PIGG: variants seen among roughly 807,000 people sequenced by gnomAD.
PIGG encodes the protein GPI ethanolamine phosphate transferase 2, catalytic subunit.
Under a neutral mutation model 83.2 loss-of-function variants are expected in PIGG, and 70 were observed. The observed-to-expected ratio is 0.84, with a 90% confidence interval of 0.69 to 1.03. The LOEUF is 1.03. PIGG is among the 50% of genes least tolerant of loss of function. The probability of loss-of-function intolerance (pLI) is 0.00; values close to 1 mark genes in which losing one functional copy is unlikely to be tolerated. For missense variants in PIGG, 1,257 were observed against 1,233.6 expected, an observed-to-expected ratio of 1.02 and a Z score of -0.28; for synonymous variants, 532 against 519.5, an observed-to-expected ratio of 1.02 and a Z score of -0.33.
At chr4:530,798 T>G in intron 11 of PIGG, 53 bp downstream of exon 11, 1 of 1,255,650 alleles carries the variant, frequency 8.0e-7, no homozygotes, top group Non-Finnish European at 1.1e-6. Context: ...ACATATTTAT[T>G]TTAAATTTTT....
In PIGG at chr4:525,147, C is replaced by G. The variant is rs569028739; in HGVS notation, c.2069+1234C>G. The G allele has an allele frequency of 7.2e-6, 7 of 975,590 alleles. No homozygotes were observed. In the East Asian group the frequency reaches 6.8e-4, roughly 95 times the overall value. 60.4% of individuals were successfully genotyped at this position (975,590 alleles called of 1,614,324 possible). ...AGCTCCTTTCTCCTCCCCATCCTCC[C>G]TTTTCTCTCTCCTCATCCTGAAGGG... is the stretch of plus-strand genomic sequence containing the variant. On this transcript the variant is annotated intron_variant, in intron 9 of 12. Transcript: ENST00000453061.
In PIGG at chr4:524,262, T is replaced by C. The variant is rs78888434; in HGVS notation, c.2069+349T>C. Among the ~76,000 whole-genome samples the C allele has an allele frequency of 7.1e-3, 1,087 of 152,358 alleles. 7 individuals carry two copies. Among genetic ancestry groups the C allele is most frequent in the South Asian group, 0.041 (197 of 4,826 alleles). On this transcript the variant is annotated intron_variant, in intron 9 of 12. Transcript: ENST00000453061. Reference sequence around the variant, plus strand: ...TTGTTCTGGACGCCTCGTCCATGCCTGGGCTGTGTGCCCCCCGCCCATCAC... The same window carrying C: ...TTGTTCTGGACGCCTCGTCCATGCCCGGGCTGTGTGCCCCCCGCCCATCAC...
At chr4:535,135 G>A (rs1256121580) in intron 12 of PIGG, among the ~76,000 whole-genome samples, 1 of 152,262 alleles carries the variant, frequency 6.6e-6, no homozygotes, top group African/African-American at 2.4e-5. Context: ...GTCAGGTGCT[G>A]AGTGGAGTGT....
intron 3 of PIGG, 80 bp from the exon 4 acceptor site, chr4:507,325 A>G (rs782481970): frequency 9.0e-7 from 1 of 1,108,168 alleles, no homozygotes; most frequent in Non-Finnish European, 1.3e-6. Flanking sequence ...AGATTTTAAG[A>G]TGACTGTTGC....
At chr4:530,302 G>T (rs754436475) in intron 10 of PIGG, 134 bp from the exon 11 acceptor site, 17 of 649,854 alleles carry the variant, frequency 2.6e-5, no homozygotes, top group Middle Eastern at 4.1e-4. Flanking sequence ...TAGGGAGGGT[G>T]CCGCGGCTCC....
chr4:514,873 G>C (rs1027535813), intron 5 of PIGG, among the ~76,000 whole-genome samples: 4 of 152,158 alleles, frequency 2.6e-5, no homozygotes, highest in Non-Finnish European at 5.9e-5. Context: ...AGGGTCAAAA[G>C]CAATTTAAGG....
chr4:503,074 C>G (rs1317039758), intron 2 of PIGG, among the ~76,000 whole-genome samples: 2 of 152,048 alleles, frequency 1.3e-5, no homozygotes, highest in African/African-American at 4.8e-5. Context: ...AACCCATATG[C>G]CAGTTTTTGT....
rs1553875198 is a variant in PIGG, at chr4:500,559, G to A, written c.318G>A (p.Val106=). 1.2e-6 allele frequency: 2 copies of A among 1,613,642 alleles called. No homozygotes were observed. The highest frequency in any genetic ancestry group is 3.3e-5 in the Admixed American group (2 of 60,020). ...LVEKGASHSF[V]AEAKPPTVTM... ...AAAAAGGAGCATCTCACAGTTTTGT[G>A]GCTGAAGCAAAGCCACCTACAGTTA... Residue 106 remains valine, a synonymous_variant, in exon 2 of 13, where the codon GTG becomes GTA. Coordinates refer to ENST00000453061, the MANE Select transcript of PIGG (RefSeq NM_001127178.3).
chr4:521,307 T>G, intron 7 of PIGG, 34 bp downstream of exon 7: 1 of 1,424,642 alleles, frequency 7.0e-7, no homozygotes, highest in African/African-American at 1.4e-5. Context: ...GCTCAGGTGT[T>G]GCATTGATTT....
chr4:534,002 C>A, intron 12 of PIGG, 21 bp downstream of exon 12: 1 of 1,611,236 alleles, frequency 6.2e-7, no homozygotes, highest in Non-Finnish European at 8.5e-7. Flanking sequence ...TCTCTGCCGT[C>A]AGCACAGTTC....
At chr4:504,959 C>T (rs545829191) in intron 2 of PIGG, among the ~76,000 whole-genome samples, 7 of 152,252 alleles carry the variant, frequency 4.6e-5, no homozygotes, top group East Asian at 3.9e-4. Flanking sequence ...TGAAAGTTCA[C>T]GCTTTAGGAC....
At chr4:521,971 C>T (rs1560336024) in intron 8 of PIGG, 30 bp downstream of exon 8, 17 of 1,609,006 alleles carry the variant, frequency 1.1e-5, no homozygotes, top group African/African-American at 2.7e-5. Flanking sequence ...GGGAGTGTGA[C>T]GTAGTCCTTC....
chr4:514,276 A>G (rs1723147901), intron 5 of PIGG, among the ~76,000 whole-genome samples: 1 of 152,228 alleles, frequency 6.6e-6, no homozygotes, highest in South Asian at 2.1e-4. Flanking sequence ...CCCTTATCAC[A>G]TTTAAAAAAT....
intron 2 of PIGG, among the ~76,000 whole-genome samples, chr4:505,468 A>G (rs1490222059): frequency 6.1e-5 from 9 of 148,704 alleles, no homozygotes; most frequent in Admixed American, 6.0e-4. Context: ...CCAAAAAAAA[A>G]AAAAAAAAAA....
chr4:518,629 A>G (rs967971055), intron 6 of PIGG, among the ~76,000 whole-genome samples: 15 of 152,132 alleles, frequency 9.9e-5, no homozygotes, highest in African/African-American at 3.6e-4. Flanking sequence ...CAAAATCAAA[A>G]CAACAATGGA....
At chr4:505,962 GAA>G in intron 3 of PIGG, 35 bp downstream of exon 3, 1 of 1,379,902 alleles carries the variant, frequency 7.2e-7, no homozygotes, top group Non-Finnish European at 1.0e-6. Context: ...TATCATACTA[GAA>G]TATCATACTA....
At chr4:523,034 C>T (rs974059666) in intron 8 of PIGG, among the ~76,000 whole-genome samples, 1 of 152,130 alleles carries the variant, frequency 6.6e-6, no homozygotes, top group Non-Finnish European at 1.5e-5. Flanking sequence ...CAGGCACTGG[C>T]GACGTGCATC....
chr4:516,854 C>CAAAA (rs1178401194), intron 6 of PIGG, among the ~76,000 whole-genome samples: 14 of 46,430 alleles, frequency 3.0e-4, no homozygotes, highest in East Asian at 6.5e-4. Flanking sequence ...GACTCTGCCT[C>CAAAA]AAAAAAAAAA....
At chr4:520,343 G>C (rs1725403268) in intron 6 of PIGG, among the ~76,000 whole-genome samples, 1 of 152,240 alleles carries the variant, frequency 6.6e-6, no homozygotes, top group Non-Finnish European at 1.5e-5. Context: ...GGGAAAGAAA[G>C]AACATCAGCT....
Sources: allele counts gnomAD v4.1 joint callset (sites outside exome capture counted in the v4.1 genomes callset), GRCh38; gene constraint gnomAD v4.1.1; transcripts MANE v1.5; gene names NCBI Gene and HGNC (gene_info 2026-07-23, HGNC 2026-07-21).